CADM1: variants seen among roughly 807,000 people sequenced by gnomAD.
CADM1 encodes the protein TSLC-1.
In CADM1, 15 loss-of-function variants were observed where a neutral mutation model predicts 53.1. That is an observed-to-expected ratio of 0.28 (90% CI 0.19 to 0.44). CADM1 has a LOEUF of 0.44. Among genes scored for constraint, CADM1 ranks in the 20% least tolerant of loss-of-function variants. The probability of loss-of-function intolerance (pLI) is 1.00; values close to 1 mark genes in which losing one functional copy is unlikely to be tolerated. For synonymous variants in CADM1, 281 were observed against 243.0 expected, an observed-to-expected ratio of 1.16 and a Z score of -1.45; for missense variants, 434 against 611.3, an observed-to-expected ratio of 0.71 and a Z score of 3.06.
At chr11:115,437,562 T>C (rs1948211657) in intron 1 of CADM1, among the ~76,000 whole-genome samples, 1 of 152,158 alleles carries the variant, frequency 6.6e-6, no homozygotes. Context: ...AACCAACAGT[T>C]TCACAGAAGC....
intron 1 of CADM1, chr11:115,256,694 G>A (rs368657215): frequency 7.4e-6 from 3 of 404,008 alleles, no homozygotes; most frequent in East Asian, 7.4e-5. Context: ...GGGAGAGAGA[G>A]CCAGCAACAA....
At chr11:115,239,976 C>T (rs1475926807) in intron 2 of CADM1, among the ~76,000 whole-genome samples, 2 of 152,102 alleles carry the variant, frequency 1.3e-5, no homozygotes, top group Non-Finnish European at 2.9e-5. Context: ...TTTTCCTTGC[C>T]TTACCCTGTT....
chr11:115,216,136 C>T (rs1027843548), intron 6 of CADM1, among the ~76,000 whole-genome samples: 1 of 152,184 alleles, frequency 6.6e-6, no homozygotes, highest in South Asian at 2.1e-4. Flanking sequence ...ATCTTCACAA[C>T]ATTTAATGGC....
chr11:115,490,392 ATTTTTTTT>A (rs35633504), intron 1 of CADM1, among the ~76,000 whole-genome samples: 5 of 109,330 alleles, frequency 4.6e-5, no homozygotes, highest in African/African-American at 1.9e-4. Context: ...GGAAGAACAG[ATTTTTTTT>A]TTTTTTTTTT....
At chr11:115,468,928 G>A (rs542368703) in intron 1 of CADM1, among the ~76,000 whole-genome samples, 2 of 152,280 alleles carry the variant, frequency 1.3e-5, no homozygotes, top group East Asian at 3.9e-4. Flanking sequence ...GAGGGCATGT[G>A]CAGGCAAACT....
chr11:115,389,485 T>G (rs1269256385), intron 1 of CADM1, among the ~76,000 whole-genome samples: 1 of 152,230 alleles, frequency 6.6e-6, no homozygotes, highest in Non-Finnish European at 1.5e-5. Flanking sequence ...AAATACCACA[T>G]GTAGTTTTCA....
At chr11:115,475,637 A>G (rs1422552234) in intron 1 of CADM1, among the ~76,000 whole-genome samples, 1 of 152,202 alleles carries the variant, frequency 6.6e-6, no homozygotes, top group Non-Finnish European at 1.5e-5. Context: ...ACACTGATGA[A>G]TTTCAGATGC....
intron 1 of CADM1, among the ~76,000 whole-genome samples, chr11:115,257,822 A>G (rs1445242977): frequency 1.3e-5 from 2 of 152,196 alleles, no homozygotes; most frequent in Non-Finnish European, 2.9e-5. Context: ...TGCATTCTCA[A>G]ACGTTGTCAC....
intron 3 of CADM1, among the ~76,000 whole-genome samples, chr11:115,232,250 T>C (rs1008863055): frequency 1.3e-5 from 2 of 152,140 alleles, no homozygotes; most frequent in Non-Finnish European, 2.9e-5. Flanking sequence ...GGAGCAAAGA[T>C]AAAAATCTTT....
At chr11:115,373,229 C>A (rs892476929) in intron 1 of CADM1, among the ~76,000 whole-genome samples, 6 of 152,086 alleles carry the variant, frequency 3.9e-5, no homozygotes, top group African/African-American at 1.4e-4. Context: ...CTGTCAGATG[C>A]ACAGACCAAT....
intron 1 of CADM1, among the ~76,000 whole-genome samples, chr11:115,304,032 T>G (rs1944301151): frequency 6.6e-6 from 1 of 152,050 alleles, no homozygotes; most frequent in Admixed American, 6.6e-5. Flanking sequence ...ATGAAAACTG[T>G]TGGCTTCTAT....
intron 1 of CADM1, among the ~76,000 whole-genome samples, chr11:115,267,654 C>A (rs1187737639): frequency 6.6e-6 from 1 of 150,532 alleles, no homozygotes; most frequent in Non-Finnish European, 1.5e-5. Context: ...CTGGCTACTA[C>A]ACAAACTAAC....
chr11:115,322,478 T>C (rs1260290403), intron 1 of CADM1, among the ~76,000 whole-genome samples: 1 of 152,212 alleles, frequency 6.6e-6, no homozygotes, highest in Admixed American at 6.5e-5. Flanking sequence ...AATATATTCA[T>C]AGAGTTGTGC....
chr11:115,402,590 C>A (rs916719243), intron 1 of CADM1, among the ~76,000 whole-genome samples: 2 of 152,018 alleles, frequency 1.3e-5, no homozygotes, highest in African/African-American at 4.8e-5. Flanking sequence ...TACCAGCATT[C>A]CCACAGAAAA....
chr11:115,219,743 G>GC, intron 5 of CADM1, among the ~76,000 whole-genome samples: 1 of 152,212 alleles, frequency 6.6e-6, no homozygotes, highest in Non-Finnish European at 1.5e-5. Context: ...AGAGACAGAG[G>GC]CCACATATTA....
chr11:115,368,784 G>A (rs536680631), intron 1 of CADM1, among the ~76,000 whole-genome samples: 3 of 152,106 alleles, frequency 2.0e-5, no homozygotes, highest in Admixed American at 2.0e-4. Flanking sequence ...TCCAACAGAA[G>A]TTTCTGCAGT....
intron 10 of CADM1, among the ~76,000 whole-genome samples, chr11:115,184,005 A>T (rs1339503608): frequency 1.3e-5 from 2 of 151,944 alleles, no homozygotes; most frequent in Non-Finnish European, 2.9e-5. Context: ...CTTGCTGGAC[A>T]AGTCAGTTTA....
intron 5 of CADM1, among the ~76,000 whole-genome samples, chr11:115,223,564 A>G (rs1941483957): frequency 6.6e-6 from 1 of 152,154 alleles, no homozygotes; most frequent in Non-Finnish European, 1.5e-5. Context: ...TCTTAGTAAA[A>G]CAGGCCTCTT....
At chr11:115,186,427 C>T (rs763079658) in intron 10 of CADM1, among the ~76,000 whole-genome samples, 1 of 152,158 alleles carries the variant, frequency 6.6e-6, no homozygotes, top group Non-Finnish European at 1.5e-5. Flanking sequence ...ACTTTTCCCT[C>T]ATTCCCCGGG....
Sources: gnomAD v4.1 joint callset for allele counts (sites outside exome capture counted in the v4.1 genomes callset) on GRCh38, gnomAD v4.1.1 for gene constraint, MANE v1.5 for transcripts, NCBI Gene and HGNC (gene_info 2026-07-23, HGNC 2026-07-21) for gene names.